The following TLX2 variants were observed in gnomAD, a reference collection of about 807,000 sequenced individuals.
TLX2 encodes the protein T cell leukemia homeobox 2, also known as T-cell leukemia homeobox protein 2.
In TLX2, 15 loss-of-function variants were observed where a neutral mutation model predicts 21.7. That is an observed-to-expected ratio of 0.69 (90% CI 0.46 to 1.07). The LOEUF is 1.07. Among genes scored for constraint, TLX2 ranks in the 50% least tolerant of loss-of-function variants. The pLI is 0.00. For synonymous variants in TLX2, 213 were observed against 193.1 expected, an observed-to-expected ratio of 1.10 and a Z score of -0.85; for missense variants, 384 against 409.1, an observed-to-expected ratio of 0.94 and a Z score of 0.53.
Position 74,516,195 on chromosome 2 carries a change from G to A in TLX2, c.*6G>A, listed in dbSNP as rs1207479488. On this transcript the variant is annotated 3_prime_UTR_variant, in exon 3 of 3. Coordinates refer to ENST00000233638, the MANE Select transcript of TLX2 (RefSeq NM_016170.5). Reference sequence around the variant, plus strand: ...GGCTCGCCTCGGTGGTGTGAGCGACGCCCGTCCGATCGGCGTGGAGCGCCG... The same window carrying A: ...GGCTCGCCTCGGTGGTGTGAGCGACACCCGTCCGATCGGCGTGGAGCGCCG... 3 of 1,606,886 alleles carry A rather than the reference G, an allele frequency of 1.9e-6. No homozygotes were observed. Among genetic ancestry groups the A allele is most frequent in the Non-Finnish European group, 2.5e-6 (3 of 1,177,688 alleles).
chr2:74,516,591 C>T lies in TLX2; in HGVS notation c.*402C>T, dbSNP rs950700600. 3 of 1,082,550 alleles carry T rather than the reference C, an allele frequency of 2.8e-6. No homozygotes were observed. Among genetic ancestry groups the T allele is most frequent in the Non-Finnish European group, 3.5e-6 (3 of 859,778 alleles). The allele number at this position is 1,082,550 out of a possible 1,614,324, so 67.1% of individuals were successfully genotyped here. ...GCTCTAGCGGCGTTGCGCGCGGTGC[C>T]GGCTGGGTCTGTACCAAAGGTGTGA... On this transcript the variant is annotated 3_prime_UTR_variant, in exon 3 of 3. Coordinates refer to ENST00000233638, the MANE Select transcript of TLX2 (RefSeq NM_016170.5).
In TLX2 at chr2:74,515,403, C is replaced by T. The variant is rs988403215; in HGVS notation, c.400+197C>T. Among the ~76,000 whole-genome samples, 1 of 152,138 alleles carries T rather than the reference C, an allele frequency of 6.6e-6. No homozygotes were observed. The highest frequency in any genetic ancestry group is 1.5e-5 in the Non-Finnish European group (1 of 68,018). On this transcript the variant is annotated intron_variant, in intron 1 of 2. Coordinates refer to ENST00000233638, the MANE Select transcript of TLX2 (RefSeq NM_016170.5). This position sits in a 1 kb window ranked among gnomAD's most constrained non-coding sequence, Gnocchi z 6.6. ...GAGCTGCCGTCGGTGCCCGCGCCCT[C>T]CTCTGTAGTCCCACTGTCCACGCGT...
chr2:74,514,494 C>T lies in TLX2; in HGVS notation c.-313C>T. Reference sequence around the variant, plus strand: ...GCTGGCCAACCCTCTCCACCCGGGACTTGGGCAGCGGCGCCGGCAGCCCAG... The same window carrying T: ...GCTGGCCAACCCTCTCCACCCGGGATTTGGGCAGCGGCGCCGGCAGCCCAG... On this transcript the variant is annotated 5_prime_UTR_variant, in exon 1 of 3. Coordinates refer to ENST00000233638, the MANE Select transcript of TLX2 (RefSeq NM_016170.5). The surrounding 1 kb of genome is among the most constrained non-coding windows in gnomAD (Gnocchi z 5.0). 3.1e-6 allele frequency: 4 copies of T among 1,274,498 alleles called. No homozygotes were observed. In the South Asian group the frequency reaches 6.3e-5, roughly 20 times the overall value. The allele number at this position is 1,274,498 out of a possible 1,614,324, so 78.9% of individuals were successfully genotyped here.
At position 74,514,655 on chromosome 2, in the gene TLX2, C is replaced by A; in HGVS notation, c.-152C>A. Reference sequence around the variant, plus strand: ...CGGCTGCTCCGGGTGCACAGGGATGCTGCTGTTTCGGGGACCCCGGCGCCC... The same window carrying A: ...CGGCTGCTCCGGGTGCACAGGGATGATGCTGTTTCGGGGACCCCGGCGCCC... On this transcript the variant is annotated 5_prime_UTR_variant, in exon 1 of 3. The change creates a new upstream start codon in the 5' untranslated region. Coordinates refer to ENST00000233638, the MANE Select transcript of TLX2 (RefSeq NM_016170.5). The surrounding 1 kb of genome is among the most constrained non-coding windows in gnomAD (Gnocchi z 5.0). The A allele has an allele frequency of 6.7e-7, 1 of 1,481,994 alleles. No individual in the cohort carries two copies. The highest frequency in any genetic ancestry group is 8.9e-7 in the Non-Finnish European group (1 of 1,119,762). 91.8% of individuals were successfully genotyped at this position (1,481,994 alleles called of 1,614,324 possible). A position where few individuals can be genotyped will look rare whatever the true frequency, so the allele number is the denominator to read the frequency against.
At position 74,514,671 on chromosome 2, in the gene TLX2, C is replaced by T. The variant is rs1674834173; in HGVS notation, c.-136C>T. 2.0e-6 allele frequency: 3 copies of T among 1,505,464 alleles called. No individual in the cohort carries two copies. Among genetic ancestry groups the T allele is most frequent in the Non-Finnish European group, 2.7e-6 (3 of 1,128,990 alleles). The allele number at this position is 1,505,464 out of a possible 1,614,324, so 93.3% of individuals were successfully genotyped here. On this transcript the variant is annotated 5_prime_UTR_variant, in exon 1 of 3. Coordinates refer to ENST00000233638, the MANE Select transcript of TLX2 (RefSeq NM_016170.5). This position sits in a 1 kb window ranked among gnomAD's most constrained non-coding sequence, Gnocchi z 5.0. ...ACAGGGATGCTGCTGTTTCGGGGAC[C>T]CCGGCGCCCTGCCTTGGCCAGCCCC...
chr2:74,515,929 C>T lies in TLX2; in HGVS notation c.639-44C>T, dbSNP rs375512949. On this transcript the variant is annotated intron_variant, in intron 2 of 2. Coordinates refer to ENST00000233638, the MANE Select transcript of TLX2 (RefSeq NM_016170.5). The surrounding 1 kb of genome is among the most constrained non-coding windows in gnomAD (Gnocchi z 6.6). ...TTCCCGAGCAGGGCCTGGTGAGAAG[C>T]GACGCGGCGGGCGCCCCGCTGACCC... 396 of 1,510,384 alleles carry T rather than the reference C, an allele frequency of 2.6e-4. 2 individuals are homozygous for T. The East Asian group carries it at 8.1e-3, about 31-fold the overall frequency. The allele number at this position is 1,510,384 out of a possible 1,614,324, so 93.6% of individuals were successfully genotyped here.
At position 74,514,626 on chromosome 2, in the gene TLX2, G is replaced by C. The variant is rs1674832927; in HGVS notation, c.-181G>C. 7.0e-7 allele frequency: 1 copy of C among 1,422,446 alleles called. No homozygotes were observed. The highest frequency in any genetic ancestry group is 9.1e-7 in the Non-Finnish European group (1 of 1,095,330). The allele number at this position is 1,422,446 out of a possible 1,614,324, so 88.1% of individuals were successfully genotyped here. Reference sequence around the variant, plus strand: ...CTGACGCCCGGCAGCGGCTGGCACGGGCGCGGCTGCTCCGGGTGCACAGGG... The same window carrying C: ...CTGACGCCCGGCAGCGGCTGGCACGCGCGCGGCTGCTCCGGGTGCACAGGG... On this transcript the variant is annotated 5_prime_UTR_variant, in exon 1 of 3. Transcript: ENST00000233638. The surrounding 1 kb of genome is among the most constrained non-coding windows in gnomAD (Gnocchi z 5.0).
In TLX2 at chr2:74,514,547, G is replaced by C; in HGVS notation, c.-260G>C. The C allele has an allele frequency of 4.3e-6, 6 of 1,384,858 alleles. No individual in the cohort carries two copies. In the South Asian group the frequency reaches 9.2e-5, roughly 21 times the overall value. 85.8% of individuals were successfully genotyped at this position (1,384,858 alleles called of 1,614,324 possible). A position where few individuals can be genotyped will look rare whatever the true frequency, so the allele number is the denominator to read the frequency against. On this transcript the variant is annotated 5_prime_UTR_variant, in exon 1 of 3. Coordinates refer to ENST00000233638, the MANE Select transcript of TLX2 (RefSeq NM_016170.5). This position sits in a 1 kb window ranked among gnomAD's most constrained non-coding sequence, Gnocchi z 5.0. ...TCTATTTGCGCTTAAGAGCCAGCAA[G>C]GAAGCTCCAGGGGCCCCAGCTGGCC...
Position 74,516,542 on chromosome 2 carries a change from G to T in TLX2, c.*353G>T. ...AGGGACTCGAAATTCTCCGGCGGGT[G>T]GTCGGGAGCTGGGGCTCTGAGGGGC... is the stretch of plus-strand genomic sequence containing the variant. On this transcript the variant is annotated 3_prime_UTR_variant, in exon 3 of 3. Transcript: ENST00000233638. The T allele has an allele frequency of 1.7e-6, 2 of 1,193,452 alleles. No homozygotes were observed. Among genetic ancestry groups the T allele is most frequent in the Non-Finnish European group, 2.1e-6 (2 of 951,410 alleles). The allele number at this position is 1,193,452 out of a possible 1,614,324, so 73.9% of individuals were successfully genotyped here. A position where few individuals can be genotyped will look rare whatever the true frequency, so the allele number is the denominator to read the frequency against.
In TLX2 at chr2:74,516,853, A is replaced by G. The variant is rs1674901026; in HGVS notation, c.*664A>G. On this transcript the variant is annotated 3_prime_UTR_variant, in exon 3 of 3. Coordinates refer to ENST00000233638, the MANE Select transcript of TLX2 (RefSeq NM_016170.5). ...CAGGAGGCGAGTCGGATACTTACACACCCAACGAAAGAGAAAATCTGGCTC... is the reference window on the plus strand; with the variant it reads ...CAGGAGGCGAGTCGGATACTTACACGCCCAACGAAAGAGAAAATCTGGCTC... 6.5e-6 allele frequency: 1 copy of G among 153,804 alleles called. No individual in the cohort carries two copies. The highest frequency in any genetic ancestry group is 6.5e-5 in the Admixed American group (1 of 15,284). The allele number at this position is 153,804 out of a possible 1,614,324, so 9.5% of individuals were successfully genotyped here.
Position 74,515,831 on chromosome 2 carries a change from A to G in TLX2, c.599A>G (p.Gln200Arg). Reference protein sequence around the residue: ...LAKALRMTDAQVKTWFQNRRT... With the variant: ...LAKALRMTDARVKTWFQNRRT... ...AAGGCCTTGCGCATGACCGACGCACAGGTCAAAACGTGGTTCCAGAACCGA... is the reference window on the plus strand; with the variant it reads ...AAGGCCTTGCGCATGACCGACGCACGGGTCAAAACGTGGTTCCAGAACCGA... The change falls in exon 2 of 3, where the codon CAG becomes CGG. Residue 200 changes from glutamine (Q) to arginine (R), a missense_variant. By Grantham distance (43) the Gln-to-Arg change is conservative (BLOSUM62 1). Coordinates refer to ENST00000233638, the MANE Select transcript of TLX2 (RefSeq NM_016170.5). The surrounding 1 kb of genome is among the most constrained non-coding windows in gnomAD (Gnocchi z 6.6). 1 of 1,612,220 alleles carries G rather than the reference A, an allele frequency of 6.2e-7. No individual in the cohort carries two copies. Among genetic ancestry groups the G allele is most frequent in the East Asian group, 2.2e-5 (1 of 44,842 alleles).
Position 74,516,421 on chromosome 2 carries a change from C to G in TLX2, c.*232C>G. On this transcript the variant is annotated 3_prime_UTR_variant, in exon 3 of 3. Coordinates refer to ENST00000233638, the MANE Select transcript of TLX2 (RefSeq NM_016170.5). The stretch of plus-strand genomic sequence containing the variant: ...TCACTTCACTGCCGTTACGCCCTCG[C>G]TGGAACCTGAGGCGCCGAGAGGGCG... 1 of 1,414,326 alleles carries G rather than the reference C, an allele frequency of 7.1e-7. No individual in the cohort carries two copies. The highest frequency in any genetic ancestry group is 9.2e-7 in the Non-Finnish European group (1 of 1,082,278). 87.6% of individuals were successfully genotyped at this position (1,414,326 alleles called of 1,614,324 possible). A position where few individuals can be genotyped will look rare whatever the true frequency, so the allele number is the denominator to read the frequency against.
rs1182153325 is a variant in TLX2, at chr2:74,514,865, G to A, written c.59G>A (p.Gly20Asp). The A allele has an allele frequency of 6.2e-7, 1 of 1,613,012 alleles. No homozygotes were observed. Among genetic ancestry groups the A allele is most frequent in the South Asian group, 1.1e-5 (1 of 91,064 alleles). ...NLPHHEPISFGIDQILSGPET... is the reference protein window; with the variant it reads ...NLPHHEPISFDIDQILSGPET... ...CCACACCACGAGCCAATCAGCTTCG[G>A]CATCGATCAGATCCTGAGCGGCCCC... Residue 20 changes from glycine (G) to aspartate (D), a missense_variant, in exon 1 of 3, where the codon GGC becomes GAC. Gly to Asp is a moderately conservative substitution (Grantham distance 94). Coordinates refer to ENST00000233638, the MANE Select transcript of TLX2 (RefSeq NM_016170.5). The surrounding 1 kb of genome is among the most constrained non-coding windows in gnomAD (Gnocchi z 5.0).
rs1424247094 is a variant in TLX2, at chr2:74,514,761, C to T, written c.-46C>T. 1 of 1,609,446 alleles carries T rather than the reference C, an allele frequency of 6.2e-7. No homozygotes were observed. The highest frequency in any genetic ancestry group is 1.1e-5 in the South Asian group (1 of 90,584). On this transcript the variant is annotated 5_prime_UTR_variant, in exon 1 of 3. Coordinates refer to ENST00000233638, the MANE Select transcript of TLX2 (RefSeq NM_016170.5). This position sits in a 1 kb window ranked among gnomAD's most constrained non-coding sequence, Gnocchi z 5.0. ...GGGCTTCTGGCGCTGCCTGAGGCATCCTCCCCAACCACCGAACCTCCGGCG... is the reference window on the plus strand; with the variant it reads ...GGGCTTCTGGCGCTGCCTGAGGCATTCTCCCCAACCACCGAACCTCCGGCG...
rs1674856400 is a variant in TLX2, at chr2:74,515,292, C to A, written c.400+86C>A. 4.6e-6 allele frequency: 7 copies of A among 1,531,966 alleles called. No homozygotes were observed. Among genetic ancestry groups the A allele is most frequent in the Non-Finnish European group, 6.1e-6 (7 of 1,145,166 alleles). 94.9% of individuals were successfully genotyped at this position (1,531,966 alleles called of 1,614,324 possible). A position where few individuals can be genotyped will look rare whatever the true frequency, so the allele number is the denominator to read the frequency against. On this transcript the variant is annotated intron_variant, in intron 1 of 2. Coordinates refer to ENST00000233638, the MANE Select transcript of TLX2 (RefSeq NM_016170.5). This position sits in a 1 kb window ranked among gnomAD's most constrained non-coding sequence, Gnocchi z 6.6. ...AGCTTTCTGCTCCAACTCAAGGACC[C>A]CTTTCACACCTCCCACTAGATCCTC...
At position 74,514,943 on chromosome 2, in the gene TLX2, A is replaced by C. The variant is rs756963939; in HGVS notation, c.137A>C (p.Glu46Ala). 2 of 1,597,934 alleles carry C rather than the reference A, an allele frequency of 1.3e-6. No homozygotes were observed. The highest frequency in any genetic ancestry group is 4.6e-5 in the East Asian group (2 of 43,484). ...GGTCGCGGGGGCCAGGGTCATGGGGAGAATGGGGCGTTCTCGGGTGGATAC... is the reference window on the plus strand; with the variant it reads ...GGTCGCGGGGGCCAGGGTCATGGGGCGAATGGGGCGTTCTCGGGTGGATAC... ...GLGRGGQGHG[E>A]NGAFSGGYHG... Residue 46 changes from glutamate (E) to alanine (A), a missense_variant, in exon 1 of 3, where the codon GAG becomes GCG. Physicochemically the swap from Glu to Ala is moderately radical, Grantham distance 107. Coordinates refer to ENST00000233638, the MANE Select transcript of TLX2 (RefSeq NM_016170.5). This position sits in a 1 kb window ranked among gnomAD's most constrained non-coding sequence, Gnocchi z 5.0.
chr2:74,516,679 T>A lies in TLX2; in HGVS notation c.*490T>A, dbSNP rs1044943007. On this transcript the variant is annotated 3_prime_UTR_variant, in exon 3 of 3. Transcript: ENST00000233638. ...GGGTGCTGGAGCGCGAGAGGCTGGC[T>A]GATTGTGACCGAAACCAGAGGGTTG... The A allele has an allele frequency of 3.1e-5, 10 of 324,436 alleles. No individual in the cohort carries two copies. Among genetic ancestry groups the A allele is most frequent in the Admixed American group, 3.0e-4 (5 of 16,420 alleles). The allele number at this position is 324,436 out of a possible 1,614,324, so 20.1% of individuals were successfully genotyped here.
In TLX2 at chr2:74,515,018, G is replaced by A. The variant is rs941313567; in HGVS notation, c.212G>A (p.Gly71Asp). Residue 71 changes from glycine to aspartate, a missense_variant, in exon 1 of 3, where the codon GGC becomes GAC. Coordinates refer to ENST00000233638, the MANE Select transcript of TLX2 (RefSeq NM_016170.5). This position sits in a 1 kb window ranked among gnomAD's most constrained non-coding sequence, Gnocchi z 6.6. ...GPAGSLAPLP[G>D]SSGVGPGGVI... The stretch of plus-strand genomic sequence containing the variant: ...GCCGGCTCACTTGCCCCGCTGCCCG[G>A]CAGCTCCGGAGTGGGCCCAGGCGGC... 2 of 1,528,696 alleles carry A rather than the reference G, an allele frequency of 1.3e-6. No individual in the cohort carries two copies. 94.7% of individuals were successfully genotyped at this position (1,528,696 alleles called of 1,614,324 possible).
chr2:74,514,635 G>A lies in TLX2; in HGVS notation c.-172G>A. The A allele has an allele frequency of 2.1e-6, 3 of 1,434,718 alleles. No homozygotes were observed. Among genetic ancestry groups the A allele is most frequent in the Non-Finnish European group, 2.7e-6 (3 of 1,101,082 alleles). The allele number at this position is 1,434,718 out of a possible 1,614,324, so 88.9% of individuals were successfully genotyped here. On this transcript the variant is annotated 5_prime_UTR_variant, in exon 1 of 3. Transcript: ENST00000233638. The surrounding 1 kb of genome is among the most constrained non-coding windows in gnomAD (Gnocchi z 5.0). The stretch of plus-strand genomic sequence containing the variant: ...GGCAGCGGCTGGCACGGGCGCGGCT[G>A]CTCCGGGTGCACAGGGATGCTGCTG...
Sources: gnomAD v4.1 joint callset for allele counts (sites outside exome capture counted in the v4.1 genomes callset) on GRCh38, gnomAD v4.1.1 for gene constraint, Gnocchi (gnomAD v3.1) non-coding constraint, MANE v1.5 for transcripts, NCBI Gene and HGNC (gene_info 2026-07-23, HGNC 2026-07-21) for gene names.